MSH4: variants seen among roughly 807,000 people sequenced by gnomAD.
MSH4 encodes the protein mutS homolog 4.
Under a neutral mutation model 113.7 loss-of-function variants are expected in MSH4, and 106 were observed. The ratio of observed to expected loss-of-function variants is 0.93; its 90% CI spans 0.80 to 1.10. The LOEUF (loss-of-function observed/expected upper bound fraction) is 1.10, where lower values mean the gene tolerates loss of function less well. Ranked by LOEUF, MSH4 falls within the 50% of genes least tolerant of loss-of-function variation. The pLI is 0.00. For synonymous variants in MSH4, 368 were observed against 380.2 expected (o/e 0.97, Z 0.37); for missense variants, 1,061 against 1,093.7 (o/e 0.97, Z 0.42).
At chr1:75,810,578 A>G in intron 3 of MSH4, 119 bp from the exon 4 acceptor site, 5 of 486,574 alleles carry the variant, frequency 1.0e-5, no homozygotes, top group Non-Finnish European at 1.4e-5. Context: ...GAAATATATC[A>G]TTAGGACAGT....
chr1:75,884,458 T>G (rs1208748973), intron 15 of MSH4, among the ~76,000 whole-genome samples: 6 of 152,068 alleles, frequency 3.9e-5, no homozygotes, highest in Non-Finnish European at 1.5e-5. Context: ...CAAAATGAAG[T>G]GGTTCTTAAG....
intron 16 of MSH4, among the ~76,000 whole-genome samples, chr1:75,889,850 A>G (rs1461667408): frequency 6.6e-6 from 1 of 152,114 alleles, no homozygotes; most frequent in African/African-American, 2.4e-5. Flanking sequence ...GAAGGAATTA[A>G]GTGTAACTCT....
chr1:75,907,683 T>TATA (rs1242072862), intron 19 of MSH4, among the ~76,000 whole-genome samples: 52 of 82,462 alleles, frequency 6.3e-4, no homozygotes, highest in African/African-American at 1.2e-3. Context: ...TCTCTCTCTC[T>TATA]CTATACATAT....
chr1:75,891,645 G>T (rs1156467841), intron 17 of MSH4, among the ~76,000 whole-genome samples: 1 of 151,866 alleles, frequency 6.6e-6, no homozygotes, highest in Non-Finnish European at 1.5e-5. Context: ...GCTGTGACGG[G>T]GTTTCACCAT....
chr1:75,852,051 C>T (rs924533347), intron 8 of MSH4, among the ~76,000 whole-genome samples: 3 of 152,138 alleles, frequency 2.0e-5, no homozygotes, highest in African/African-American at 7.2e-5. Flanking sequence ...CCCCGTTTCC[C>T]CAGCCTTAGA....
chr1:75,889,276 T>A lies in MSH4; in HGVS notation c.2133T>A (p.Ser711=). The A allele has an allele frequency of 5.3e-6, 8 of 1,505,728 alleles. No homozygotes were observed. Among genetic ancestry groups the A allele is most frequent in the Non-Finnish European group, 7.3e-6 (8 of 1,093,392 alleles). The allele number at this position is 1,505,728 out of a possible 1,614,324, so 93.3% of individuals were successfully genotyped here. ...GATCATATGTTCCAGCAGAATATTC[T>A]TCCTTTAGAATTGCTAAACAGATTT... is the stretch of plus-strand genomic sequence containing the variant. The part of the protein sequence containing the change: ...QIGSYVPAEY[S]SFRIAKQIFT... The change falls in exon 16 of 20, where the codon TCT becomes TCA. Residue 711 remains serine (S), a synonymous_variant. Coordinates refer to ENST00000263187, the MANE Select transcript of MSH4 (RefSeq NM_002440.4).
At chr1:75,909,910 C>T (rs1478841283) in intron 19 of MSH4, among the ~76,000 whole-genome samples, 4 of 151,936 alleles carry the variant, frequency 2.6e-5, no homozygotes, top group Non-Finnish European at 5.9e-5. Flanking sequence ...TCCATCTTAT[C>T]TCAGAGGAAG....
intron 8 of MSH4, among the ~76,000 whole-genome samples, chr1:75,849,893 T>C (rs1651150716): frequency 6.6e-6 from 1 of 152,208 alleles, no homozygotes; most frequent in African/African-American, 2.4e-5. Flanking sequence ...GGTTATCTGT[T>C]TCTTCTTGAA....
chr1:75,890,128 A>G (rs763563073), intron 16 of MSH4, among the ~76,000 whole-genome samples: 2 of 152,028 alleles, frequency 1.3e-5, no homozygotes, highest in Non-Finnish European at 2.9e-5. Context: ...ATAAAATTCT[A>G]TTTTTGAGAA....
intron 7 of MSH4, among the ~76,000 whole-genome samples, chr1:75,833,341 G>A (rs1404963327): frequency 2.0e-5 from 3 of 152,164 alleles, no homozygotes; most frequent in South Asian, 2.1e-4. Context: ...AATCAATATT[G>A]TGAAAATTGC....
chr1:75,907,311 A>G (rs1461301843), intron 19 of MSH4, among the ~76,000 whole-genome samples: 1 of 151,864 alleles, frequency 6.6e-6, no homozygotes, highest in Admixed American at 6.6e-5. Flanking sequence ...TCCCTTCAGC[A>G]CTTTGAATCT....
Position 75,912,966 on chromosome 1 carries a change from C to A in MSH4, c.*79C>A. On this transcript the variant is annotated 3_prime_UTR_variant, in exon 20 of 20. Transcript: ENST00000263187. The stretch of plus-strand genomic sequence containing the variant: ...TTCTCCTTAGAGATAAGGAAAATAA[C>A]ATTTGCCAAATTTCATATTTTAATT... 1.2e-6 allele frequency: 1 copy of A among 858,490 alleles called. No individual in the cohort carries two copies. The highest frequency in any genetic ancestry group is 1.6e-6 in the Non-Finnish European group (1 of 615,180). The allele number at this position is 858,490 out of a possible 1,614,324, so 53.2% of individuals were successfully genotyped here.
intron 15 of MSH4, among the ~76,000 whole-genome samples, chr1:75,885,059 G>GTGTGTATATATATATATATATATATA (rs1300289205): frequency 4.4e-5 from 5 of 112,548 alleles, no homozygotes; most frequent in African/African-American, 2.0e-4. Context: ...GTGTGTGTGT[G>GTGTGTATATATATATATATATATATA]TATATATATA....
chr1:75,855,235 G>A (rs893834656), intron 8 of MSH4, among the ~76,000 whole-genome samples: 2 of 151,996 alleles, frequency 1.3e-5, no homozygotes, highest in African/African-American at 4.8e-5. Context: ...ATGGGGAATT[G>A]TCTTTTTGCC....
intron 8 of MSH4, among the ~76,000 whole-genome samples, chr1:75,865,402 A>G (rs1308171199): frequency 6.6e-6 from 1 of 152,104 alleles, no homozygotes; most frequent in African/African-American, 2.4e-5. Flanking sequence ...ATTTTAATTT[A>G]TGAAGATGAT....
intron 8 of MSH4, among the ~76,000 whole-genome samples, chr1:75,851,862 C>T (rs530254513): frequency 1.4e-3 from 217 of 152,214 alleles, no homozygotes; most frequent in African/African-American, 5.1e-3. Context: ...AAAAATAAGA[C>T]AGCTTTATTG....
intron 7 of MSH4, among the ~76,000 whole-genome samples, chr1:75,829,968 G>A (rs899271613): frequency 2.0e-5 from 3 of 152,100 alleles, no homozygotes; most frequent in East Asian, 1.9e-4. Flanking sequence ...GGCTTCAGAC[G>A]ATCGGTAATA....
chr1:75,876,404 T>C (rs1446968880), intron 9 of MSH4, among the ~76,000 whole-genome samples: 1 of 152,072 alleles, frequency 6.6e-6, no homozygotes, highest in Non-Finnish European at 1.5e-5. Context: ...TCATATCAAA[T>C]TTAAAAAAGG....
intron 7 of MSH4, among the ~76,000 whole-genome samples, chr1:75,843,558 G>T (rs1196137225): frequency 6.6e-6 from 1 of 152,142 alleles, no homozygotes; most frequent in Non-Finnish European, 1.5e-5. Flanking sequence ...ATCACAATAT[G>T]CAGGGTCAAA....
Sources: allele counts gnomAD v4.1 joint callset (sites outside exome capture counted in the v4.1 genomes callset), GRCh38; gene constraint gnomAD v4.1.1; transcripts MANE v1.5; gene names NCBI Gene and HGNC (gene_info 2026-07-23, HGNC 2026-07-21).